C16orf78: variants seen among roughly 807,000 people sequenced by gnomAD.
C16orf78 encodes the protein uncharacterized protein C16orf78.
Under a neutral mutation model 27.3 loss-of-function variants are expected in C16orf78, and 19 were observed. That is an observed-to-expected ratio of 0.70 (90% CI 0.49 to 1.02). C16orf78 has a LOEUF of 1.02. C16orf78 is among the 50% of genes least tolerant of loss of function. C16orf78 has a pLI of 0.00. For missense variants in C16orf78, 339 were observed against 337.0 expected (o/e 1.01, Z -0.05); for synonymous variants, 130 against 116.1 (o/e 1.12, Z -0.77).
intron 4 of C16orf78, 140 bp downstream of exon 4, chr16:49,396,818 T>C (rs1596934560): frequency 1.7e-6 from 2 of 1,198,706 alleles, no homozygotes; most frequent in Non-Finnish European, 2.3e-6. Context: ...CGCCCTTTGG[T>C]CCCAAAGGAC....
At chr16:49,375,740 C>T (rs560109775) in intron 1 of C16orf78, among the ~76,000 whole-genome samples, 4 of 152,230 alleles carry the variant, frequency 2.6e-5, no homozygotes, top group Admixed American at 2.6e-4. Flanking sequence ...ATCTGACAAA[C>T]ATATTTTACT....
intron 3 of C16orf78, among the ~76,000 whole-genome samples, chr16:49,386,577 T>C (rs1965354032): frequency 6.6e-6 from 1 of 152,190 alleles, no homozygotes; most frequent in Non-Finnish European, 1.5e-5. Flanking sequence ...TAGTCATTTT[T>C]CCTGATCCTC....
intron 3 of C16orf78, among the ~76,000 whole-genome samples, chr16:49,391,900 C>T (rs1965416824): frequency 6.6e-6 from 1 of 152,168 alleles, no homozygotes; most frequent in South Asian, 2.1e-4. Context: ...CCAATTTCCT[C>T]CACGCACAAA....
At chr16:49,374,530 A>C (rs1965191988) in intron 1 of C16orf78, among the ~76,000 whole-genome samples, 1 of 152,244 alleles carries the variant, frequency 6.6e-6, no homozygotes, top group African/African-American at 2.4e-5. Context: ...CATCAGGAAG[A>C]AACCTGTCTA....
chr16:49,382,963 AAAT>A (rs1444383520), intron 3 of C16orf78, among the ~76,000 whole-genome samples: 1 of 152,228 alleles, frequency 6.6e-6, no homozygotes, highest in African/African-American at 2.4e-5. Context: ...CCAGCTGATT[AAAT>A]AATTATTTAC....
In C16orf78 at chr16:49,396,623, G is replaced by C; in HGVS notation, c.595G>C (p.Glu199Gln). 1.2e-6 allele frequency: 2 copies of C among 1,613,430 alleles called. No individual in the cohort carries two copies. The highest frequency in any genetic ancestry group is 1.7e-6 in the Non-Finnish European group (2 of 1,180,016). The change falls in exon 4 of 5, where the codon GAA becomes CAA. Residue 199 changes from glutamate to glutamine, a missense_variant. Physicochemically the swap from Glu to Gln is conservative, Grantham distance 29. Transcript: ENST00000299191. ...KLKSLMEKST[E>Q]PKMETMRMLK... ...AAAGAGCCTCATGGAGAAAAGCACC[G>C]AACCTAAGATGGAAACCATGAGGAT...
At chr16:49,385,652 C>T (rs1965341294) in intron 3 of C16orf78, among the ~76,000 whole-genome samples, 1 of 141,752 alleles carries the variant, frequency 7.1e-6, no homozygotes, top group Non-Finnish European at 1.5e-5. Flanking sequence ...GAGACTCCAT[C>T]TCAAAAAAAA....
chr16:49,395,237 A>G (rs1965457568), intron 3 of C16orf78, among the ~76,000 whole-genome samples: 1 of 152,186 alleles, frequency 6.6e-6, no homozygotes, highest in South Asian at 2.1e-4. Context: ...TTTTCTCTAC[A>G]TACTTGTCAT....
intron 3 of C16orf78, among the ~76,000 whole-genome samples, chr16:49,383,008 G>A (rs1177312191): frequency 6.6e-6 from 1 of 152,224 alleles, no homozygotes; most frequent in East Asian, 1.9e-4. Flanking sequence ...AGCAGGTCAG[G>A]CTGACTTGAC....
At chr16:49,380,770 A>G (rs1965276313) in intron 3 of C16orf78, among the ~76,000 whole-genome samples, 1 of 152,068 alleles carries the variant, frequency 6.6e-6, no homozygotes, top group Non-Finnish European at 1.5e-5. Flanking sequence ...TTTTAGGTCT[A>G]ACGTTTAAGT....
chr16:49,377,929 A>G, intron 2 of C16orf78, 79 bp downstream of exon 2: 1 of 1,490,338 alleles, frequency 6.7e-7, no homozygotes, highest in Non-Finnish European at 9.0e-7. Context: ...CTCCTGCATA[A>G]TGCCTGCCTA....
At chr16:49,388,195 T>G (rs1381154341) in intron 3 of C16orf78, among the ~76,000 whole-genome samples, 1 of 152,114 alleles carries the variant, frequency 6.6e-6, no homozygotes, top group African/African-American at 2.4e-5. Flanking sequence ...TTTTTGTGTG[T>G]GTCTCAATCT....
At chr16:49,381,012 A>C (rs1965279439) in intron 3 of C16orf78, among the ~76,000 whole-genome samples, 1 of 150,332 alleles carries the variant, frequency 6.7e-6, no homozygotes, top group Non-Finnish European at 1.5e-5. Flanking sequence ...TGGTACCAGT[A>C]CCATGCTGTT....
intron 3 of C16orf78, among the ~76,000 whole-genome samples, chr16:49,389,332 A>C (rs1388743284): frequency 3.9e-5 from 6 of 152,150 alleles, no homozygotes; most frequent in Non-Finnish European, 7.4e-5. Context: ...AGGCTGAGGC[A>C]GGAGAATCAC....
intron 3 of C16orf78, among the ~76,000 whole-genome samples, chr16:49,383,690 T>G (rs1965313483): frequency 6.6e-6 from 1 of 152,218 alleles, no homozygotes; most frequent in Admixed American, 6.5e-5. Context: ...ATTTATGTCT[T>G]TATATTTAAA....
chr16:49,383,843 G>A (rs1965315231), intron 3 of C16orf78, among the ~76,000 whole-genome samples: 1 of 152,010 alleles, frequency 6.6e-6, no homozygotes, highest in Non-Finnish European at 1.5e-5. Context: ...AAACAAATAC[G>A]TTGAGTTTCT....
chr16:49,375,340 A>AT (rs986848824), intron 1 of C16orf78, among the ~76,000 whole-genome samples: 4 of 152,058 alleles, frequency 2.6e-5, no homozygotes, highest in Non-Finnish European at 4.4e-5. Context: ...TAAAAAAAAA[A>AT]TAAAAAAAAA....
rs1343814498 is a variant in C16orf78, at chr16:49,389,306, C to CCAGCTA, written c.395-7113_395-7108dup. On this transcript the variant is annotated intron_variant, in intron 3 of 4. Transcript: ENST00000299191. ...GGCATAGTGGCACATGCCTGTAGTC[C>CCAGCTA]CAGCTACAGGAGGCTAGGCTGAGGC... Among the ~76,000 whole-genome samples, 3 of 152,112 alleles carry CCAGCTA rather than the reference C, an allele frequency of 2.0e-5. 1 individual carries two copies. The East Asian group carries it at 5.8e-4, about 29-fold the overall frequency.
Position 49,396,735 on chromosome 16 carries a change from A to T in C16orf78, c.650+57A>T, listed in dbSNP as rs2151616808. On this transcript the variant is annotated intron_variant, in intron 4 of 4. Transcript: ENST00000299191. ...TGGGGTCCTGGAACAGGCTTTGCTC[A>T]CTCTTGTCCCTGGCTCAAACACCTT... The T allele has an allele frequency of 2.6e-6, 4 of 1,563,874 alleles. No homozygotes were observed. In the South Asian group the frequency reaches 4.8e-5, roughly 19 times the overall value.
Sources: allele counts gnomAD v4.1 joint callset (sites outside exome capture counted in the v4.1 genomes callset), GRCh38; gene constraint gnomAD v4.1.1; transcripts MANE v1.5; gene names NCBI Gene and HGNC (gene_info 2026-07-23, HGNC 2026-07-21).